ASTL: variants seen among roughly 807,000 people sequenced by gnomAD.
The protein encoded by ASTL is astacin-like metalloendopeptidase.
A neutral mutation model predicts 36.7 loss-of-function variants in ASTL; 27 were observed. The ratio of observed to expected loss-of-function variants is 0.73; its 90% CI spans 0.54 to 1.01. The LOEUF (loss-of-function observed/expected upper bound fraction) is 1.01. Ranked by LOEUF, ASTL falls within the 50% of genes least tolerant of loss-of-function variation. The pLI is 0.00. For synonymous variants in ASTL, 222 were observed against 228.1 expected, an observed-to-expected ratio of 0.97 and a Z score of 0.24; for missense variants, 524 against 572.8, an observed-to-expected ratio of 0.91 and a Z score of 0.87.
chr2:96,132,847 GCT>G lies in ASTL; in HGVS notation c.456-128_456-127del. 1.2e-6 allele frequency: 1 copy of G among 846,932 alleles called. No individual in the cohort carries two copies. The highest frequency in any genetic ancestry group is 1.8e-6 in the Non-Finnish European group (1 of 568,764). 52.5% of individuals were successfully genotyped at this position (846,932 alleles called of 1,614,324 possible). A position where few individuals can be genotyped will look rare whatever the true frequency, so the allele number is the denominator to read the frequency against. Reference sequence around the variant, plus strand: ...TCCCAACAGGCAGGCCCCACTCTGGGCTCTAGTCTCAGGTTCACCATTCTCCA... The same window carrying G: ...TCCCAACAGGCAGGCCCCACTCTGGGCTAGTCTCAGGTTCACCATTCTCCA... On this transcript the variant is annotated intron_variant, in intron 5 of 8. Transcript: ENST00000342380. The surrounding 1 kb of genome is among the most constrained non-coding windows in gnomAD (Gnocchi z 5.4).
At position 96,132,709 on chromosome 2, in the gene ASTL, A is replaced by G; in HGVS notation, c.468T>C (p.Ser156=). ...SIIPMYGCFS[S]VGRSGGMQVV... ...CCTGCATCCCTCCACTGCGCCCCAC[A>G]CTCGAGAAGCACCTGCAGGGTGATG... Residue 156 remains serine (S), a synonymous_variant, in exon 6 of 9, where the codon AGT becomes AGC. Transcript: ENST00000342380. The surrounding 1 kb of genome is among the most constrained non-coding windows in gnomAD (Gnocchi z 5.4). 3 of 1,610,572 alleles carry G rather than the reference A, an allele frequency of 1.9e-6. No individual in the cohort carries two copies. The highest frequency in any genetic ancestry group is 2.5e-6 in the Non-Finnish European group (3 of 1,177,604).
intron 8 of ASTL, among the ~76,000 whole-genome samples, chr2:96,129,348 T>C (rs1278225151): frequency 6.6e-6 from 1 of 152,226 alleles, no homozygotes; most frequent in Non-Finnish European, 1.5e-5. Context: ...TATTTACCTT[T>C]TCTAATTCTT....
rs1682145389 is a variant in ASTL, at chr2:96,130,145, C to T, written c.638G>A (p.Gly213Asp). 2 of 1,611,510 alleles carry T rather than the reference C, an allele frequency of 1.2e-6. No homozygotes were observed. Among genetic ancestry groups the T allele is most frequent in the Admixed American group, 3.3e-5 (2 of 59,996 alleles). The part of the protein sequence containing the change: ...IRVNWNEILP[G>D]FEINFIKSQS... ...AGACTTGATGAAGTTGATTTCAAAG[C>T]CTAAAAATACAAAAACAATACAACT... The change falls in exon 7 of 9, where the codon GGC becomes GAC. Residue 213 changes from glycine to aspartate, a missense_variant and splice_region_variant. Coordinates refer to ENST00000342380, the MANE Select transcript of ASTL (RefSeq NM_001002036.4).
chr2:96,129,837 C>A lies in ASTL; in HGVS notation c.861G>T (p.Arg287Ser). ...CATGCCACTCACCTCTCCCACGGGG[C>A]CTGGGGCCACTTGGGCTGCAGCCGT... ...KLYGCSPSGPRPRGRGSHAHS... is the reference protein window; with the variant it reads ...KLYGCSPSGPSPRGRGSHAHS... The change falls in exon 8 of 9, where the codon AGG becomes AGT. Residue 287 changes from arginine (R) to serine (S), a missense_variant. By Grantham distance (110) the Arg-to-Ser change is moderately radical. Coordinates refer to ENST00000342380, the MANE Select transcript of ASTL (RefSeq NM_001002036.4). The A allele has an allele frequency of 4.5e-6, 7 of 1,563,640 alleles. No homozygotes were observed. Among genetic ancestry groups the A allele is most frequent in the Non-Finnish European group, 6.1e-6 (7 of 1,151,684 alleles).
chr2:96,132,719 C>T lies in ASTL; in HGVS notation c.458G>A (p.Cys153Tyr). ...TCCACTGCGCCCCACACTCGAGAAG[C>T]ACCTGCAGGGTGATGAGAGCAAGTG... Reference protein sequence around the residue: ...DFISIIPMYGCFSSVGRSGGM... With the variant: ...DFISIIPMYGYFSSVGRSGGM... Residue 153 changes from cysteine to tyrosine, a missense_variant and splice_region_variant, in exon 6 of 9, where the codon TGC becomes TAC. Transcript: ENST00000342380. The surrounding 1 kb of genome is among the most constrained non-coding windows in gnomAD (Gnocchi z 5.4). 1.9e-6 allele frequency: 3 copies of T among 1,608,064 alleles called. No homozygotes were observed. Among genetic ancestry groups the T allele is most frequent in the South Asian group, 2.2e-5 (2 of 90,890 alleles).
chr2:96,136,966 TC>T (rs1458881351), intron 2 of ASTL, among the ~76,000 whole-genome samples: 1 of 152,168 alleles, frequency 6.6e-6, no homozygotes, highest in African/African-American at 2.4e-5. Context: ...TGCCTCAGCC[TC>T]CTGAGTAGCT....
At chr2:96,126,991 C>T (rs1402032226) in intron 8 of ASTL, among the ~76,000 whole-genome samples, 1 of 152,130 alleles carries the variant, frequency 6.6e-6, no homozygotes, top group Non-Finnish European at 1.5e-5. Flanking sequence ...TAGCTCTATT[C>T]ATAATAGCTG....
intron 3 of ASTL, among the ~76,000 whole-genome samples, chr2:96,134,336 C>T (rs1004575645): frequency 6.6e-6 from 1 of 152,192 alleles, no homozygotes; most frequent in African/African-American, 2.4e-5. Context: ...GCTAGGAGGC[C>T]CAGCACCCCA....
chr2:96,134,822 A>G (rs1161842686), intron 3 of ASTL, among the ~76,000 whole-genome samples: 3 of 152,138 alleles, frequency 2.0e-5, no homozygotes, highest in Admixed American at 1.3e-4. Flanking sequence ...CCTGAAACAC[A>G]TGGCTGCCAT....
intron 8 of ASTL, 49 bp downstream of exon 8, chr2:96,129,775 C>G (rs779864625): frequency 8.7e-6 from 13 of 1,500,016 alleles, no homozygotes; most frequent in Non-Finnish European, 1.2e-5. Flanking sequence ...ACCATTAGAG[C>G]ACAGGCGCCT....
At chr2:96,129,422 G>T (rs934020920) in intron 8 of ASTL, among the ~76,000 whole-genome samples, 1 of 151,974 alleles carries the variant, frequency 6.6e-6, no homozygotes, top group African/African-American at 2.4e-5. Context: ...TATTATGAAC[G>T]ATTTTTTTGC....
At position 96,129,817 on chromosome 2, in the gene ASTL, C is replaced by T; in HGVS notation, c.874+7G>A. ...GGTTCAAGTCACCTTCCTGCCATGC[C>T]ACTCACCTCTCCCACGGGGCCTGGG... On this transcript the variant is annotated splice_region_variant and intron_variant, in intron 8 of 8. Coordinates refer to ENST00000342380, the MANE Select transcript of ASTL (RefSeq NM_001002036.4). 1 of 1,530,626 alleles carries T rather than the reference C, an allele frequency of 6.5e-7. No individual in the cohort carries two copies. Among genetic ancestry groups the T allele is most frequent in the Non-Finnish European group, 8.8e-7 (1 of 1,137,162 alleles). 94.8% of individuals were successfully genotyped at this position (1,530,626 alleles called of 1,614,324 possible).
intron 8 of ASTL, among the ~76,000 whole-genome samples, chr2:96,127,133 A>G (rs1284751847): frequency 6.6e-6 from 1 of 152,246 alleles, no homozygotes; most frequent in Non-Finnish European, 1.5e-5. Flanking sequence ...GAAGCCAGAC[A>G]CAAGAGGCTA....
At chr2:96,125,088 C>T (rs555890316) in intron 8 of ASTL, among the ~76,000 whole-genome samples, 40 of 152,326 alleles carry the variant, frequency 2.6e-4, no homozygotes, top group African/African-American at 9.4e-4. Flanking sequence ...CAGATACTCC[C>T]CAGACCCAGC....
intron 6 of ASTL, among the ~76,000 whole-genome samples, chr2:96,131,942 C>G (rs936494389): frequency 6.6e-6 from 1 of 152,196 alleles, no homozygotes; most frequent in Non-Finnish European, 1.5e-5. Flanking sequence ...TGATCCCCGG[C>G]GCCACACAGC....
chr2:96,132,422 G>A lies in ASTL; in HGVS notation c.637+118C>T. 2.2e-6 allele frequency: 2 copies of A among 903,410 alleles called. No individual in the cohort carries two copies. The highest frequency in any genetic ancestry group is 2.9e-5 in the Admixed American group (1 of 34,154). The allele number at this position is 903,410 out of a possible 1,614,324, so 56.0% of individuals were successfully genotyped here. ...AGTGAGACCCCCACCTTCCCCACAGGAAGCAGGCAGGTGATGGGGAGGATG... is the reference window on the plus strand; with the variant it reads ...AGTGAGACCCCCACCTTCCCCACAGAAAGCAGGCAGGTGATGGGGAGGATG... On this transcript the variant is annotated intron_variant, in intron 6 of 8. Coordinates refer to ENST00000342380, the MANE Select transcript of ASTL (RefSeq NM_001002036.4). This position sits in a 1 kb window ranked among gnomAD's most constrained non-coding sequence, Gnocchi z 5.4.
upstream of ASTL, chr2:96,138,560 C>G (rs1682355820): frequency 1.3e-6 from 1 of 796,644 alleles, no homozygotes; most frequent in Admixed American, 2.2e-5. Context: ...CACCTTGCTC[C>G]CCTCAACCGC....
chr2:96,137,898 G>A (rs567650419), intron 1 of ASTL, 198 bp from the exon 2 acceptor site: 2 of 567,974 alleles, frequency 3.5e-6, no homozygotes, highest in Non-Finnish European at 6.2e-6. Context: ...GATGACCTCA[G>A]GGAAGGAGCT....
Position 96,129,807 on chromosome 2 carries a change from C to T in ASTL, c.874+17G>A. The T allele has an allele frequency of 2.0e-6, 3 of 1,518,962 alleles. No individual in the cohort carries two copies. The highest frequency in any genetic ancestry group is 2.6e-6 in the Non-Finnish European group (3 of 1,132,568). 94.1% of individuals were successfully genotyped at this position (1,518,962 alleles called of 1,614,324 possible). On this transcript the variant is annotated intron_variant, in intron 8 of 8. Transcript: ENST00000342380. ...GCCTTCTCCAGGTTCAAGTCACCTTCCTGCCATGCCACTCACCTCTCCCAC... is the reference window on the plus strand; with the variant it reads ...GCCTTCTCCAGGTTCAAGTCACCTTTCTGCCATGCCACTCACCTCTCCCAC...
Sources: gnomAD v4.1 joint callset for allele counts (sites outside exome capture counted in the v4.1 genomes callset) on GRCh38, gnomAD v4.1.1 for gene constraint, Gnocchi (gnomAD v3.1) non-coding constraint, MANE v1.5 for transcripts, NCBI Gene and HGNC (gene_info 2026-07-23, HGNC 2026-07-21) for gene names.